GALNT13: variants seen among roughly 807,000 people sequenced by gnomAD.
GALNT13 encodes UDP-GalNAc:polypeptide N-acetylgalactosaminyltransferase 13.
In GALNT13, 28 loss-of-function variants were observed where a neutral mutation model predicts 64.2. The observed-to-expected ratio is 0.44, with a 90% CI of 0.32 to 0.60. GALNT13 has a LOEUF of 0.60. GALNT13 is among the 20% of genes least tolerant of loss of function. The pLI is 0.05. For synonymous variants in GALNT13, 214 were observed against 224.6 expected (o/e 0.95, Z 0.42); for missense variants, 577 against 669.8 (o/e 0.86, Z 1.53).
chr2:153,352,733 C>T, the GALNT13 span, among the ~76,000 whole-genome samples: 1 of 152,136 alleles, frequency 6.6e-6, no homozygotes, highest in Non-Finnish European at 1.5e-5. Flanking sequence ...CATTGTATTG[C>T]CTTTACTCTG....
the GALNT13 span, among the ~76,000 whole-genome samples, chr2:153,281,926 CTT>C: frequency 6.7e-6 from 1 of 149,606 alleles, no homozygotes; most frequent in African/African-American, 2.5e-5. Context: ...ATCTGGATAT[CTT>C]ATATTTGGAT....
chr2:153,147,026 G>A, the GALNT13 span, among the ~76,000 whole-genome samples: 1 of 151,760 alleles, frequency 6.6e-6, no homozygotes, highest in Non-Finnish European at 1.5e-5. Context: ...ATTAATTCAT[G>A]GCTGAGCTAC....
chr2:153,671,757 A>C, the GALNT13 span, among the ~76,000 whole-genome samples: 15 of 152,224 alleles, frequency 9.9e-5, no homozygotes, highest in African/African-American at 3.6e-4. Context: ...ATAGACTGGC[A>C]AATTGGATAA....
chr2:153,592,010 G>A, the GALNT13 span, among the ~76,000 whole-genome samples: 1 of 151,808 alleles, frequency 6.6e-6, no homozygotes, highest in Non-Finnish European at 1.5e-5. Context: ...TAGAAAGTGG[G>A]CAAAGGACAT....
At chr2:153,558,466 C>T in the GALNT13 span, among the ~76,000 whole-genome samples, 775 of 152,266 alleles carry the variant, frequency 5.1e-3, 7 homozygotes, top group Non-Finnish European at 6.0e-3. Context: ...CATATCTTAG[C>T]GATGGCATCA....
chr2:154,058,840 C>G (rs945572776), intron 3 of GALNT13, among the ~76,000 whole-genome samples: 7 of 152,042 alleles, frequency 4.6e-5, no homozygotes, highest in Admixed American at 4.6e-4. Context: ...AGAGAGGAAC[C>G]ATTGTAGGGT....
chr2:153,638,726 A>G, the GALNT13 span, among the ~76,000 whole-genome samples: 1 of 152,052 alleles, frequency 6.6e-6, no homozygotes, highest in Non-Finnish European at 1.5e-5. Context: ...AGGTAGGTAG[A>G]TATAGTGGTA....
chr2:154,325,428 G>A (rs1681916431), intron 9 of GALNT13, among the ~76,000 whole-genome samples: 1 of 152,102 alleles, frequency 6.6e-6, no homozygotes, highest in Non-Finnish European at 1.5e-5. Flanking sequence ...ACTAGAATAT[G>A]TTAAGGTAAA....
intron 3 of GALNT13, among the ~76,000 whole-genome samples, chr2:153,999,088 C>A (rs1333594141): frequency 6.6e-6 from 1 of 152,032 alleles, no homozygotes; most frequent in African/African-American, 2.4e-5. Flanking sequence ...GCCCGCATAG[C>A]CAAGACAATC....
At chr2:153,759,207 T>C in the GALNT13 span, among the ~76,000 whole-genome samples, 1 of 152,182 alleles carries the variant, frequency 6.6e-6, no homozygotes, top group Non-Finnish European at 1.5e-5. Context: ...TTTTGGAGTC[T>C]TTAGGTTTTC....
intron 3 of GALNT13, among the ~76,000 whole-genome samples, chr2:154,076,702 C>T (rs983395040): frequency 1.3e-5 from 2 of 151,616 alleles, no homozygotes; most frequent in African/African-American, 4.8e-5. Flanking sequence ...CTAGTTTTAA[C>T]CTGGGATTGT....
intron 2 of GALNT13, among the ~76,000 whole-genome samples, chr2:153,911,441 C>T (rs182788403): frequency 1.5e-4 from 23 of 151,864 alleles, no homozygotes; most frequent in Non-Finnish European, 2.9e-4. Context: ...TGGATTTGAC[C>T]CTGTCGCAGT....
the GALNT13 span, among the ~76,000 whole-genome samples, chr2:153,747,791 T>C: frequency 1.3e-5 from 2 of 152,150 alleles, no homozygotes; most frequent in South Asian, 2.1e-4. Flanking sequence ...TTTCTGTGCC[T>C]GGCTTATCTC....
At chr2:154,357,653 C>A (rs1696826249) in intron 9 of GALNT13, among the ~76,000 whole-genome samples, 1 of 151,994 alleles carries the variant, frequency 6.6e-6, no homozygotes, top group African/African-American at 2.4e-5. Context: ...CATGTTGTCA[C>A]CTGAAACAAA....
the GALNT13 span, among the ~76,000 whole-genome samples, chr2:153,780,867 G>A: frequency 6.6e-6 from 1 of 152,166 alleles, no homozygotes; most frequent in African/African-American, 2.4e-5. Flanking sequence ...ATGGCTAAGA[G>A]AGACATGATT....
At chr2:154,438,776 T>C (rs756611572) in intron 12 of GALNT13, 50 bp downstream of exon 12, 54 of 1,414,598 alleles carry the variant, frequency 3.8e-5, no homozygotes, top group Non-Finnish European at 5.3e-5. Context: ...AGCTCAGTTA[T>C]ATATTTCAAC....
the GALNT13 span, among the ~76,000 whole-genome samples, chr2:153,262,059 T>C: frequency 6.6e-6 from 1 of 152,156 alleles, no homozygotes; most frequent in Non-Finnish European, 1.5e-5. Context: ...TACTCTACTA[T>C]GGCCAAGCTG....
At chr2:154,216,918 A>G (rs1348125378) in intron 4 of GALNT13, among the ~76,000 whole-genome samples, 1 of 148,698 alleles carries the variant, frequency 6.7e-6, no homozygotes, top group Non-Finnish European at 1.5e-5. Flanking sequence ...CCTCCCAGGT[A>G]ACTAGGACTG....
intron 8 of GALNT13, among the ~76,000 whole-genome samples, chr2:154,288,094 TG>T (rs1003453853): frequency 1.1e-4 from 17 of 152,118 alleles, no homozygotes; most frequent in Non-Finnish European, 2.4e-4. Context: ...TCCACATGAC[TG>T]GGGAGGCCTC....
Sources: gnomAD v4.1 joint callset for allele counts (sites outside exome capture counted in the v4.1 genomes callset) on GRCh38, gnomAD v4.1.1 for gene constraint, MANE v1.5 for transcripts, NCBI Gene and HGNC (gene_info 2026-07-23, HGNC 2026-07-21) for gene names.